The following ZNF385D variants were observed in gnomAD, a reference collection of about 807,000 sequenced individuals.
ZNF385D encodes zinc finger protein 659.
A neutral mutation model predicts 35.8 loss-of-function variants in ZNF385D; 15 were observed. The ratio of observed to expected loss-of-function variants is 0.42; its 90% CI spans 0.28 to 0.64. ZNF385D has a LOEUF of 0.64. ZNF385D is among the 30% of genes least tolerant of loss of function. The probability of loss-of-function intolerance (pLI) is 0.23; values close to 1 mark genes in which losing one functional copy is unlikely to be tolerated. For synonymous variants in ZNF385D, 212 were observed against 186.8 expected, an observed-to-expected ratio of 1.13 and a Z score of -1.10; for missense variants, 474 against 494.6, an observed-to-expected ratio of 0.96 and a Z score of 0.39.
chr3:21,557,192 C>T (rs545117858), intron 3 of ZNF385D, among the ~76,000 whole-genome samples: 36 of 152,240 alleles, frequency 2.4e-4, no homozygotes, highest in South Asian at 1.9e-3. Context: ...CCAGAACTTC[C>T]GATGCTATGT....
rs143757585 is a variant in ZNF385D at position 22,158,329 on chromosome 3, T to C, written c.325+10488A>G. Among the ~76,000 whole-genome samples, 26 of 152,244 alleles carry C rather than the reference T, an allele frequency of 1.7e-4. No individual in the cohort carries two copies. The East Asian group carries it at 3.9e-3, about 23-fold the overall frequency. On this transcript the variant is annotated intron_variant, in intron 3 of 5. Transcript: ENST00000494108. ...ATCTTAGAGATATTCTGAAGTTCTATTGGAAACCAGAGTTATTGGGCGCTT... is the reference window on the plus strand; with the variant it reads ...ATCTTAGAGATATTCTGAAGTTCTACTGGAAACCAGAGTTATTGGGCGCTT...
At chr3:22,030,876 C>T (rs1359872593) in intron 3 of ZNF385D, among the ~76,000 whole-genome samples, 1 of 152,176 alleles carries the variant, frequency 6.6e-6, no homozygotes, top group East Asian at 1.9e-4. Flanking sequence ...TTAGTTATTT[C>T]CAAGACACAG....
Position 21,539,281 on chromosome 3 carries a change from T to C in ZNF385D, c.276+25293A>G, listed in dbSNP as rs1437906458. 6.6e-6 allele frequency among the ~76,000 whole-genome samples: 1 copy of C among 152,162 alleles called. No individual in the cohort carries two copies. The highest frequency in any genetic ancestry group is 1.5e-5 in the Non-Finnish European group (1 of 68,014). ...GCTGTGTGGCTTCTACATTTCTACA[T>C]AGATCACTTTCTCATTAATTGATGC... On this transcript the variant is annotated intron_variant, in intron 3 of 7. Coordinates refer to ENST00000281523, the MANE Select transcript of ZNF385D (RefSeq NM_024697.3). The surrounding 1 kb of genome is among the most constrained non-coding windows in gnomAD (Gnocchi z 4.0).
intron 2 of ZNF385D, among the ~76,000 whole-genome samples, chr3:22,185,253 T>A (rs967713566): frequency 1.3e-5 from 2 of 152,148 alleles, no homozygotes; most frequent in African/African-American, 4.8e-5. Flanking sequence ...AAGAGAACAT[T>A]TGAGCCAAAT....
intron 3 of ZNF385D, among the ~76,000 whole-genome samples, chr3:22,078,731 G>A (rs960969877): frequency 2.0e-5 from 3 of 151,982 alleles, no homozygotes; most frequent in African/African-American, 7.2e-5. Flanking sequence ...ATAAGTATTG[G>A]CAAGTTGCAG....
intron 2 of ZNF385D, among the ~76,000 whole-genome samples, chr3:22,326,322 C>T (rs567672083): frequency 6.6e-6 from 1 of 152,246 alleles, no homozygotes; most frequent in Non-Finnish European, 1.5e-5. Flanking sequence ...ATTCCTTCCC[C>T]AAGCCTGAAA....
chr3:21,600,421 C>G (rs2064250451), intron 2 of ZNF385D, among the ~76,000 whole-genome samples: 1 of 152,066 alleles, frequency 6.6e-6, no homozygotes, highest in Admixed American at 6.6e-5. Context: ...GTGTTATAGC[C>G]ACCAGAAAGG....
chr3:22,155,802 T>C (rs756341971), intron 3 of ZNF385D, among the ~76,000 whole-genome samples: 1 of 152,158 alleles, frequency 6.6e-6, no homozygotes, highest in Non-Finnish European at 1.5e-5. Flanking sequence ...CAGTCACTTC[T>C]CAATTTTTGT....
chr3:21,843,279 T>G (rs1049052446), intron 3 of ZNF385D, among the ~76,000 whole-genome samples: 2 of 151,948 alleles, frequency 1.3e-5, no homozygotes, highest in African/African-American at 4.8e-5. Flanking sequence ...GGATTAACCG[T>G]AGCTCCTTTA....
intron 3 of ZNF385D, among the ~76,000 whole-genome samples, chr3:22,141,731 G>A (rs1576391262): frequency 6.6e-6 from 1 of 152,258 alleles, no homozygotes; most frequent in South Asian, 2.1e-4. Context: ...CAAATACCTT[G>A]TGTCAATACT....
rs1032716585 is a variant in ZNF385D, at chr3:22,104,538, A to T, written c.325+64279T>A. Reference sequence around the variant, plus strand: ...TTACAACCACATGATTTTGGCAGACATTTTTTTTTGCCGCGTTGTGTACTT... The same window carrying T: ...TTACAACCACATGATTTTGGCAGACTTTTTTTTTTGCCGCGTTGTGTACTT... On this transcript the variant is annotated intron_variant, in intron 3 of 5. Coordinates refer to the ZNF385D transcript ENST00000494108. Among the ~76,000 whole-genome samples, 6 of 150,726 alleles carry T rather than the reference A, an allele frequency of 4.0e-5. No individual in the cohort carries two copies. The East Asian group carries it at 1.2e-3, about 29-fold the overall frequency.
chr3:22,222,920 CA>C (rs1223586173), intron 2 of ZNF385D, among the ~76,000 whole-genome samples: 1 of 152,012 alleles, frequency 6.6e-6, no homozygotes. Flanking sequence ...TTTAAATATT[CA>C]GTATTGATAT....
chr3:22,245,478 CAAA>C (rs10576851), intron 2 of ZNF385D, among the ~76,000 whole-genome samples: 2,500 of 124,314 alleles, frequency 0.02, 60 homozygotes, highest in African/African-American at 0.056. Flanking sequence ...CAGGATAAGC[CAAA>C]AAAAAAAAAA....
chr3:22,308,936 G>A (rs1277091683), intron 2 of ZNF385D, among the ~76,000 whole-genome samples: 2 of 151,996 alleles, frequency 1.3e-5, no homozygotes, highest in African/African-American at 4.8e-5. Flanking sequence ...TTATAATTTA[G>A]GAATTTTTTT....
At chr3:22,146,076 C>G (rs1333077868) in intron 3 of ZNF385D, among the ~76,000 whole-genome samples, 1 of 152,050 alleles carries the variant, frequency 6.6e-6, no homozygotes, top group Admixed American at 6.6e-5. Flanking sequence ...ATGAAGCAAG[C>G]TGTGAACTGC....
At chr3:22,354,159 T>C (rs551288502) in intron 2 of ZNF385D, among the ~76,000 whole-genome samples, 2 of 152,258 alleles carry the variant, frequency 1.3e-5, no homozygotes, top group South Asian at 4.1e-4. Flanking sequence ...ATTTTTTATA[T>C]CGCCTTGGTT....
intron 1 of ZNF385D, among the ~76,000 whole-genome samples, chr3:21,723,151 C>T (rs1268508314): frequency 1.3e-5 from 2 of 152,054 alleles, no homozygotes; most frequent in Non-Finnish European, 2.9e-5. Context: ...CAAAGGTCAC[C>T]AACATCAAAG....
At chr3:21,814,296 G>A (rs544372332) in intron 3 of ZNF385D, among the ~76,000 whole-genome samples, 92 of 152,246 alleles carry the variant, frequency 6.0e-4, no homozygotes, top group Admixed American at 1.5e-3. Flanking sequence ...ATCAACTAAC[G>A]TGCAAAATAA....
chr3:22,013,944 C>T (rs908768572), intron 3 of ZNF385D, among the ~76,000 whole-genome samples: 1 of 152,154 alleles, frequency 6.6e-6, no homozygotes, highest in South Asian at 2.1e-4. Context: ...TCATCAACTG[C>T]TTTGGTCAAA....
Sources: allele counts gnomAD v4.1 joint callset (sites outside exome capture counted in the v4.1 genomes callset), GRCh38; gene constraint gnomAD v4.1.1; non-coding constraint Gnocchi (gnomAD v3.1); transcripts MANE v1.5; gene names NCBI Gene and HGNC (gene_info 2026-07-23, HGNC 2026-07-21).